The following FBXO40 variants were observed in gnomAD, a reference collection of about 807,000 sequenced individuals.
FBXO40 encodes F-box protein 40, also known as F-box only protein 40.
FBXO40 carries 50 observed loss-of-function variants against 49.9 expected under a neutral mutation model. The ratio of observed to expected loss-of-function variants is 1.00; its 90% CI spans 0.80 to 1.27. The LOEUF is 1.27. Among genes scored for constraint, FBXO40 ranks in the 50% most tolerant of loss-of-function variants. FBXO40 has a pLI of 0.00. For missense variants in FBXO40, 895 were observed against 870.1 expected (o/e 1.03, Z -0.36); for synonymous variants, 340 against 320.2 (o/e 1.06, Z -0.66).
chr3:121,628,016 C>G lies in FBXO40; in HGVS notation c.*1106C>G, dbSNP rs1440384126. 2.5e-6 allele frequency: 1 copy of G among 398,270 alleles called. No individual in the cohort carries two copies. The highest frequency in any genetic ancestry group is 2.1e-5 in the African/African-American group (1 of 48,590). The allele number at this position is 398,270 out of a possible 1,614,324, so 24.7% of individuals were successfully genotyped here. ...CCATATTTCTGGTCATGCTTTCAGT[C>G]TGACAAAAATGGATGATACTGCTGT... On this transcript the variant is annotated 3_prime_UTR_variant, in exon 4 of 4. Transcript: ENST00000338040.
rs755950742 is a variant in FBXO40, at chr3:121,621,710, G to T, written c.281G>T (p.Cys94Phe). Reference protein sequence around the residue: ...HLQVCPASVVCCSMEWNRWPN... With the variant: ...HLQVCPASVVFCSMEWNRWPN... Reference sequence around the variant, plus strand: ...CAGGTGTGCCCCGCCAGCGTGGTCTGCTGCTCCATGGAGTGGAACCGCTGG... The same window carrying T: ...CAGGTGTGCCCCGCCAGCGTGGTCTTCTGCTCCATGGAGTGGAACCGCTGG... The change falls in exon 3 of 4, where the codon TGC becomes TTC. Residue 94 changes from cysteine to phenylalanine, a missense_variant. Coordinates refer to ENST00000338040, the MANE Select transcript of FBXO40 (RefSeq NM_016298.4). The T allele has an allele frequency of 2.5e-5, 41 of 1,614,126 alleles. No individual in the cohort carries two copies. The highest frequency in any genetic ancestry group is 8.3e-5 in the Admixed American group (5 of 60,014).
At chr3:121,606,279 T>C (rs1226543455) in intron 1 of FBXO40, among the ~76,000 whole-genome samples, 1 of 152,168 alleles carries the variant, frequency 6.6e-6, no homozygotes, top group Non-Finnish European at 1.5e-5. Flanking sequence ...GTAGACCTTC[T>C]ACTGGCTCAC....
At position 121,626,934 on chromosome 3, in the gene FBXO40, C is replaced by A. The variant is rs755011753; in HGVS notation, c.*24C>A. On this transcript the variant is annotated 3_prime_UTR_variant, in exon 4 of 4. Transcript: ENST00000338040. ...AAAAATTCAGATGCCACTCGATGCA[C>A]CCTTCTTGGATTTCTTCTCGGAGTT... The A allele has an allele frequency of 5.0e-6, 8 of 1,606,986 alleles. No homozygotes were observed. The highest frequency in any genetic ancestry group is 2.2e-5 in the East Asian group (1 of 44,822).
At chr3:121,596,569 G>A (rs2048873991) in intron 1 of FBXO40, among the ~76,000 whole-genome samples, 1 of 152,212 alleles carries the variant, frequency 6.6e-6, no homozygotes, top group South Asian at 2.1e-4. Flanking sequence ...TGAAGTTTGA[G>A]AAGCTATGGA....
Position 121,612,791 on chromosome 3 carries a change from C to T in FBXO40, c.-30-7755C>T, listed in dbSNP as rs142772714. ...TTATATTAAAAAAAAATTTCTCAGC[C>T]GGGCGCGGTGGCTCACACCTGTAAT... On this transcript the variant is annotated intron_variant, in intron 1 of 3. Transcript: ENST00000338040. Among the ~76,000 whole-genome samples, 582 of 152,128 alleles carry T rather than the reference C, an allele frequency of 3.8e-3. 4 individuals are homozygous for T. The highest frequency in any genetic ancestry group is 8.7e-3 in the African/African-American group (359 of 41,496).
At chr3:121,620,262 T>C (rs2049023048) in intron 1 of FBXO40, among the ~76,000 whole-genome samples, 1 of 152,152 alleles carries the variant, frequency 6.6e-6, no homozygotes, top group Admixed American at 6.5e-5. Flanking sequence ...CATCCCATGA[T>C]TGGTAATATG....
At position 121,617,423 on chromosome 3, in the gene FBXO40, G is replaced by A. The variant is rs551617366; in HGVS notation, c.-30-3123G>A. On this transcript the variant is annotated intron_variant, in intron 1 of 3. Transcript: ENST00000338040. ...ATCCTGGACAACGTGGTGAAACCCCGTCTCTACTAAAAATACAAAAAATTA... is the reference window on the plus strand; with the variant it reads ...ATCCTGGACAACGTGGTGAAACCCCATCTCTACTAAAAATACAAAAAATTA... 4.7e-4 allele frequency among the ~76,000 whole-genome samples: 72 copies of A among 151,802 alleles called. No homozygotes were observed. The South Asian group carries it at 0.014, about 29-fold the overall frequency.
In FBXO40 at chr3:121,627,028, T is replaced by C. The variant is rs1367048375; in HGVS notation, c.*118T>C. ...TAAACTGCCTATTTGCTTATCGGGGTGTATTGGAACACGCAATGTCCTTCG... is the reference window on the plus strand; with the variant it reads ...TAAACTGCCTATTTGCTTATCGGGGCGTATTGGAACACGCAATGTCCTTCG... On this transcript the variant is annotated 3_prime_UTR_variant, in exon 4 of 4. Coordinates refer to ENST00000338040, the MANE Select transcript of FBXO40 (RefSeq NM_016298.4). 1.1e-5 allele frequency: 10 copies of C among 880,324 alleles called. No homozygotes were observed. The Admixed American group carries it at 1.5e-4, about 13-fold the overall frequency. 54.5% of individuals were successfully genotyped at this position (880,324 alleles called of 1,614,324 possible).
At position 121,599,703 on chromosome 3, in the gene FBXO40, C is replaced by CATAT. The variant is rs1353289601; in HGVS notation, c.-31+6202_-31+6203insTATA. Among the ~76,000 whole-genome samples the CATAT allele has an allele frequency of 6.1e-4, 28 of 45,662 alleles. 1 individual carries two copies. Among genetic ancestry groups the CATAT allele is most frequent in the African/African-American group, 2.2e-3 (27 of 12,190 alleles). 30.0% of individuals were successfully genotyped at this position (45,662 alleles called of 152,430 possible). ...ACACACACACACACACACACACACA[C>CATAT]ACATATATATATATATATATATTTT... On this transcript the variant is annotated intron_variant, in intron 1 of 3. Transcript: ENST00000338040.
chr3:121,608,598 G>T (rs1397531430), intron 1 of FBXO40, among the ~76,000 whole-genome samples: 2 of 152,198 alleles, frequency 1.3e-5, no homozygotes, highest in African/African-American at 2.4e-5. Context: ...TAACAGTAAG[G>T]CCTGATGCTT....
At chr3:121,603,295 T>C (rs2048910541) in intron 1 of FBXO40, among the ~76,000 whole-genome samples, 1 of 152,224 alleles carries the variant, frequency 6.6e-6, no homozygotes, top group Non-Finnish European at 1.5e-5. Flanking sequence ...GAAACTACTC[T>C]GTTACAGTCT....
chr3:121,601,899 G>C (rs533443722), intron 1 of FBXO40, among the ~76,000 whole-genome samples: 2 of 152,268 alleles, frequency 1.3e-5, no homozygotes, highest in East Asian at 1.9e-4. Context: ...TCTCAGCCAG[G>C]ACAGGCCCTG....
chr3:121,612,684 CA>C (rs374263793), intron 1 of FBXO40, among the ~76,000 whole-genome samples: 6 of 152,236 alleles, frequency 3.9e-5, no homozygotes, highest in African/African-American at 1.4e-4. Context: ...CAAAACAAAT[CA>C]AGCCGAAGTA....
rs1576457686 is a variant in FBXO40, at chr3:121,627,251, A to C, written c.*341A>C. Reference sequence around the variant, plus strand: ...TTTCTTAAGTGATGAGAGAGCACGAAATTCCATAACCAGTACAGGCCTGTG... The same window carrying C: ...TTTCTTAAGTGATGAGAGAGCACGACATTCCATAACCAGTACAGGCCTGTG... On this transcript the variant is annotated 3_prime_UTR_variant, in exon 4 of 4. Transcript: ENST00000338040. 1 of 321,752 alleles carries C rather than the reference A, an allele frequency of 3.1e-6. No individual in the cohort carries two copies. The highest frequency in any genetic ancestry group is 2.1e-5 in the African/African-American group (1 of 46,928). The allele number at this position is 321,752 out of a possible 1,614,324, so 19.9% of individuals were successfully genotyped here.
At chr3:121,594,669 A>G (rs1317387764) in intron 1 of FBXO40, among the ~76,000 whole-genome samples, 2 of 152,190 alleles carry the variant, frequency 1.3e-5, no homozygotes. Context: ...AACTCCGCAG[A>G]GTTTAACACC....
intron 1 of FBXO40, among the ~76,000 whole-genome samples, chr3:121,610,910 T>C (rs1165089756): frequency 1.3e-5 from 2 of 152,132 alleles, no homozygotes; most frequent in Non-Finnish European, 2.9e-5. Flanking sequence ...CAAACTTACT[T>C]CCTCTTAATA....
In FBXO40 at chr3:121,628,766, CAT is replaced by C. The variant is rs950030140; in HGVS notation, c.*1857_*1858del. Reference sequence around the variant, plus strand: ...CTTTATTTATGAAATAGGTTTTAGACATGTGGTGATTTTAAGTTGGGAACCAG... The same window carrying C: ...CTTTATTTATGAAATAGGTTTTAGACGTGGTGATTTTAAGTTGGGAACCAG... On this transcript the variant is annotated 3_prime_UTR_variant, in exon 4 of 4. Coordinates refer to ENST00000338040, the MANE Select transcript of FBXO40 (RefSeq NM_016298.4). The C allele has an allele frequency of 9.9e-5, 15 of 152,138 alleles. No individual in the cohort carries two copies. The highest frequency in any genetic ancestry group is 1.9e-4 in the African/African-American group (8 of 41,422). The allele number at this position is 152,138 out of a possible 1,614,324, so 9.4% of individuals were successfully genotyped here. A position where few individuals can be genotyped will look rare whatever the true frequency, so the allele number is the denominator to read the frequency against.
At chr3:121,613,630 C>CTT (rs1026660997) in intron 1 of FBXO40, among the ~76,000 whole-genome samples, 1 of 152,272 alleles carries the variant, frequency 6.6e-6, no homozygotes, top group Admixed American at 6.5e-5. Flanking sequence ...ATAAAAGAGG[C>CTT]TTTTTTCTTA....
At chr3:121,625,116 C>T (rs551187052) in intron 3 of FBXO40, among the ~76,000 whole-genome samples, 2 of 152,168 alleles carry the variant, frequency 1.3e-5, no homozygotes, top group East Asian at 1.9e-4. Context: ...ATCAAAGAAC[C>T]TTTCCCTTCA....
Sources: gnomAD v4.1 joint callset for allele counts (sites outside exome capture counted in the v4.1 genomes callset) on GRCh38, gnomAD v4.1.1 for gene constraint, MANE v1.5 for transcripts, NCBI Gene and HGNC (gene_info 2026-07-23, HGNC 2026-07-21) for gene names.